CACNB2: variants seen among roughly 807,000 people sequenced by gnomAD.
CACNB2 encodes the protein calcium voltage-gated channel auxiliary subunit beta 2, also known as voltage-dependent L-type calcium channel subunit beta-2.
Under a neutral mutation model 73.3 loss-of-function variants are expected in CACNB2, and 42 were observed. The observed-to-expected ratio is 0.57, with a 90% CI of 0.45 to 0.74. CACNB2 has a LOEUF of 0.74. Ranked by LOEUF, CACNB2 falls within the 30% of genes least tolerant of loss-of-function variation. CACNB2 has a pLI of 0.00. For synonymous variants in CACNB2, 348 were observed against 310.3 expected, an observed-to-expected ratio of 1.12 and a Z score of -1.28; for missense variants, 940 against 853.0, an observed-to-expected ratio of 1.10 and a Z score of -1.27.
chr10:18,435,358 A>G (rs1589345703), intron 3 of CACNB2, among the ~76,000 whole-genome samples: 1 of 152,220 alleles, frequency 6.6e-6, no homozygotes, highest in Admixed American at 6.5e-5. Context: ...GGTGGCATCT[A>G]CATGAACAGA....
At chr10:18,399,583 A>C (rs1000666850) in intron 2 of CACNB2, among the ~76,000 whole-genome samples, 1 of 151,948 alleles carries the variant, frequency 6.6e-6, no homozygotes, top group African/African-American at 2.4e-5. Flanking sequence ...GGGTCTCACT[A>C]TGTTGCCCAG....
intron 3 of CACNB2, among the ~76,000 whole-genome samples, chr10:18,440,849 C>A (rs1167804451): frequency 6.6e-6 from 1 of 152,188 alleles, no homozygotes; most frequent in Non-Finnish European, 1.5e-5. Context: ...TCAAAGGTCA[C>A]ACAGGGACTT....
intron 2 of CACNB2, among the ~76,000 whole-genome samples, chr10:18,333,001 CA>C (rs2040861958): frequency 6.6e-6 from 1 of 151,936 alleles, no homozygotes; most frequent in South Asian, 2.1e-4. Context: ...GTAAAGGGGC[CA>C]AAAAAGCCAC....
chr10:18,289,616 A>C (rs532377135), intron 2 of CACNB2, among the ~76,000 whole-genome samples: 1 of 152,114 alleles, frequency 6.6e-6, no homozygotes, highest in African/African-American at 2.4e-5. Flanking sequence ...ATTTTGAGTA[A>C]GATTTTTAAA....
chr10:18,269,523 A>G (rs937012510), intron 2 of CACNB2, among the ~76,000 whole-genome samples: 1 of 152,254 alleles, frequency 6.6e-6, no homozygotes, highest in Non-Finnish European at 1.5e-5. Flanking sequence ...GCTCAAAAGA[A>G]AGAAAATCTG....
chr10:18,305,767 G>T (rs1160661128), intron 2 of CACNB2, among the ~76,000 whole-genome samples: 1 of 152,128 alleles, frequency 6.6e-6, no homozygotes. Flanking sequence ...TTATGCTCAT[G>T]GTTGACATTT....
intron 4 of CACNB2, 45 bp from the exon 5 acceptor site, chr10:18,500,767 G>T: frequency 6.3e-7 from 1 of 1,594,968 alleles, no homozygotes; most frequent in South Asian, 1.1e-5. Context: ...ACAAGGATTT[G>T]ACCTTCTGTG....
chr10:18,505,302 G>T (rs1169991722), intron 5 of CACNB2, among the ~76,000 whole-genome samples: 5 of 150,888 alleles, frequency 3.3e-5, no homozygotes, highest in African/African-American at 1.2e-4. Context: ...ATAGGTCCTT[G>T]TATAACTGCC....
chr10:18,233,015 G>A (rs1173255042), intron 2 of CACNB2, among the ~76,000 whole-genome samples: 2 of 152,164 alleles, frequency 1.3e-5, no homozygotes, highest in Admixed American at 6.5e-5. Context: ...AGCTCAGAAG[G>A]TCAAGGCTGC....
At chr10:18,284,615 G>T (rs1345040653) in intron 2 of CACNB2, among the ~76,000 whole-genome samples, 1 of 152,072 alleles carries the variant, frequency 6.6e-6, no homozygotes, top group Non-Finnish European at 1.5e-5. Flanking sequence ...GTCACAGAAG[G>T]GTTTGCATAT....
Position 18,302,678 on chromosome 10 carries a change from A to G in CACNB2, c.214-99246A>G, listed in dbSNP as rs371848527. 1.2e-4 allele frequency among the ~76,000 whole-genome samples: 18 copies of G among 152,284 alleles called. No homozygotes were observed. In the East Asian group the frequency reaches 2.1e-3, roughly 18 times the overall value. On this transcript the variant is annotated intron_variant, in intron 2 of 13. Coordinates refer to ENST00000324631, the MANE Select transcript of CACNB2 (RefSeq NM_201596.3). ...GAGGATGCAAAGGCATAAGAATGGC[A>G]TAATGGACTTTGAGGACTCAGGGGG...
chr10:18,514,121 G>T (rs1047798310), intron 6 of CACNB2, 115 bp from the exon 7 acceptor site: 2 of 1,040,246 alleles, frequency 1.9e-6, no homozygotes, highest in Non-Finnish European at 3.0e-6. Flanking sequence ...GTACTGTGTT[G>T]AGCACTCATG....
intron 3 of CACNB2, among the ~76,000 whole-genome samples, chr10:18,441,803 T>G (rs1362158458): frequency 6.6e-6 from 1 of 151,996 alleles, no homozygotes; most frequent in Admixed American, 6.6e-5. Context: ...CCCAAATAAT[T>G]TTTATATTTT....
At chr10:18,308,152 C>A (rs1467664733) in intron 2 of CACNB2, among the ~76,000 whole-genome samples, 1 of 151,816 alleles carries the variant, frequency 6.6e-6, no homozygotes, top group Non-Finnish European at 1.5e-5. Flanking sequence ...CGCCACCATG[C>A]CAGGCTAATT....
chr10:18,397,382 G>A (rs1418991197), intron 2 of CACNB2, among the ~76,000 whole-genome samples: 5 of 151,576 alleles, frequency 3.3e-5, no homozygotes, highest in Non-Finnish European at 5.9e-5. Flanking sequence ...GGAGAATCAC[G>A]TGAACCTAGG....
intron 2 of CACNB2, among the ~76,000 whole-genome samples, chr10:18,345,322 A>C (rs1408507019): frequency 4.6e-5 from 7 of 152,188 alleles, no homozygotes; most frequent in Non-Finnish European, 7.3e-5. Flanking sequence ...CAATGTATGC[A>C]GTATTATGTA....
chr10:18,417,033 TA>T (rs892817878), intron 3 of CACNB2, among the ~76,000 whole-genome samples: 131 of 142,830 alleles, frequency 9.2e-4, no homozygotes, highest in Non-Finnish European at 6.9e-4. Flanking sequence ...GAAAGTGCAT[TA>T]AAAAAAAAAA....
rs532130733 is a variant in CACNB2, at chr10:18,162,212, T to G, written c.213+11237T>G. Among the ~76,000 whole-genome samples, 25 of 152,360 alleles carry G rather than the reference T, an allele frequency of 1.6e-4. 1 individual carries two copies. The highest frequency in any genetic ancestry group is 3.5e-4 in the Non-Finnish European group (24 of 68,038). On this transcript the variant is annotated intron_variant, in intron 2 of 13. Transcript: ENST00000324631. ...TCTCATAGCACATTACCTCATCTAT[T>G]GAGTTCTTGAAGTTATTACTTTAAG...
Position 18,539,266 on chromosome 10 carries a change from C to G in CACNB2, c.1525C>G (p.Pro509Ala). The G allele has an allele frequency of 6.2e-7, 1 of 1,614,034 alleles. No individual in the cohort carries two copies. Among genetic ancestry groups the G allele is most frequent in the Middle Eastern group, 1.6e-4 (1 of 6,062 alleles). The change falls in exon 14 of 14, where the codon CCT (proline) becomes GCT (alanine). Residue 509 changes from proline to alanine, a missense_variant. Physicochemically the swap from Pro to Ala is conservative, Grantham distance 27. Coordinates refer to ENST00000324631, the MANE Select transcript of CACNB2 (RefSeq NM_201596.3). ...QGDQRTDRSA[P>A]IRSASQAEEE... ...TGATCAGAGGACTGATCGCTCCGCT[C>G]CTATCCGTTCTGCTTCCCAAGCTGA...
Sources: allele counts gnomAD v4.1 joint callset (sites outside exome capture counted in the v4.1 genomes callset), GRCh38; gene constraint gnomAD v4.1.1; transcripts MANE v1.5; gene names NCBI Gene and HGNC (gene_info 2026-07-23, HGNC 2026-07-21).